The following SLC18A2 variants were observed in gnomAD, a reference collection of about 807,000 sequenced individuals.
SLC18A2 encodes solute carrier family 18 member A2.
SLC18A2 carries 33 observed loss-of-function variants against 59.2 expected under a neutral mutation model. The observed-to-expected ratio is 0.56, with a 90% confidence interval of 0.42 to 0.75. SLC18A2 has a LOEUF of 0.75. Among genes scored for constraint, SLC18A2 ranks in the 30% least tolerant of loss-of-function variants. The probability of loss-of-function intolerance (pLI) is 0.00; values close to 1 mark genes in which losing one functional copy is unlikely to be tolerated. For synonymous variants in SLC18A2, 228 were observed against 253.5 expected (o/e 0.90, Z 0.95); for missense variants, 569 against 668.6 (o/e 0.85, Z 1.64).
rs1217905487 is a variant in SLC18A2, at chr10:117,243,952, A to G, written c.122-19A>G. 1 of 1,597,906 alleles carries G rather than the reference A, an allele frequency of 6.3e-7. No homozygotes were observed. The highest frequency in any genetic ancestry group is 1.7e-5 in the Admixed American group (1 of 59,088). ...GTTTCAGTGTGATCACCACCTTGCC[A>G]TTCTGCTCTTATCCCCAGTCCCCAT... is the stretch of plus-strand genomic sequence containing the variant. On this transcript the variant is annotated intron_variant, in intron 2 of 15. Coordinates refer to ENST00000644641, the MANE Select transcript of SLC18A2 (RefSeq NM_003054.6).
chr10:117,257,965 C>T (rs1223469824), intron 10 of SLC18A2, 73 bp downstream of exon 10: 1 of 1,032,824 alleles, frequency 9.7e-7, no homozygotes, highest in African/African-American at 1.6e-5. Context: ...CAGGGCATCC[C>T]TGCTGAGTTG....
At position 117,278,376 on chromosome 10, in the gene SLC18A2, C is replaced by T. The variant is rs1230627523; in HGVS notation, c.*1110C>T. On this transcript the variant is annotated 3_prime_UTR_variant, in exon 16 of 16. Coordinates refer to ENST00000644641, the MANE Select transcript of SLC18A2 (RefSeq NM_003054.6). The stretch of plus-strand genomic sequence containing the variant: ...ATTAAGAAGTAAAAATAATAGTGAT[C>T]AGGCAGAAAAGAAAAATGGAACATC... The T allele has an allele frequency of 1.3e-5, 2 of 152,176 alleles. No individual in the cohort carries two copies. Among genetic ancestry groups the T allele is most frequent in the African/African-American group, 2.4e-5 (1 of 41,438 alleles). The allele number at this position is 152,176 out of a possible 1,614,324, so 9.4% of individuals were successfully genotyped here.
chr10:117,261,947 G>A (rs1844298189), intron 10 of SLC18A2, among the ~76,000 whole-genome samples: 1 of 152,008 alleles, frequency 6.6e-6, no homozygotes, highest in Admixed American at 6.6e-5. Flanking sequence ...TCAGTCTGTT[G>A]CCCAGGCTGG....
At chr10:117,243,908 G>T in intron 2 of SLC18A2, 63 bp from the exon 3 acceptor site, 8 of 1,381,316 alleles carry the variant, frequency 5.8e-6, no homozygotes, top group Admixed American at 4.5e-5. Context: ...GTTTTTTGCT[G>T]GCTTTTTTCC....
intron 15 of SLC18A2, among the ~76,000 whole-genome samples, chr10:117,275,407 A>G (rs192010735): frequency 3.3e-5 from 5 of 152,368 alleles, no homozygotes; most frequent in African/African-American, 9.6e-5. Context: ...GATGGGTTAC[A>G]ATAGGCCAAC....
intron 6 of SLC18A2, among the ~76,000 whole-genome samples, chr10:117,254,745 G>C (rs1029158582): frequency 6.6e-6 from 1 of 152,196 alleles, no homozygotes; most frequent in Non-Finnish European, 1.5e-5. Context: ...GAAAACCAAA[G>C]GTTGAACAGG....
At position 117,255,332 on chromosome 10, in the gene SLC18A2, C is replaced by G; in HGVS notation, c.756C>G (p.Phe252Leu). Residue 252 changes from phenylalanine to leucine, a missense_variant, in exon 7 of 16, where the codon TTC becomes TTG. Phe to Leu is a conservative substitution (Grantham distance 22). Around this residue, in one of 2 missense-constraint regions of SLC18A2, gnomAD observed 377 missense variants for 389.8 expected, o/e 0.97. Transcript: ENST00000644641. ...AGTTTGTGGGGAAGACGGCTCCGTT[C>G]CTGGTGCTGGCCGCCCTGGTACTCT... is the stretch of plus-strand genomic sequence containing the variant. ...LYEFVGKTAP[F>L]LVLAALVLLD... is the part of the protein sequence containing the mutation. 6.2e-7 allele frequency: 1 copy of G among 1,614,254 alleles called. No individual in the cohort carries two copies. The highest frequency in any genetic ancestry group is 8.5e-7 in the Non-Finnish European group (1 of 1,180,046).
intron 3 of SLC18A2, 54 bp from the exon 4 acceptor site, chr10:117,253,345 C>G: frequency 7.6e-7 from 1 of 1,321,570 alleles, no homozygotes. Context: ...CAATATAAAG[C>G]CTTAAAAAAA....
At position 117,255,539 on chromosome 10, in the gene SLC18A2, G is replaced by A. The variant is rs748363165; in HGVS notation, c.834+17G>A. On this transcript the variant is annotated intron_variant, in intron 8 of 15. Transcript: ENST00000644641. ...CAGCCAGAGGTAAGCGGCTGGGAAT[G>A]AGGGCCCTGGGGGAGGGGGCATGGT... 4 of 1,614,138 alleles carry A rather than the reference G, an allele frequency of 2.5e-6. No homozygotes were observed. In the South Asian group the frequency reaches 4.4e-5, roughly 18 times the overall value.
At chr10:117,270,287 A>C (rs763804863) in intron 14 of SLC18A2, 43 bp from the exon 15 acceptor site, 1 of 1,613,828 alleles carries the variant, frequency 6.2e-7, no homozygotes, top group Admixed American at 1.7e-5. Context: ...TCAGTCTACA[A>C]GACATTTGGA....
At chr10:117,241,876 T>C in intron 2 of SLC18A2, 62 bp downstream of exon 2, 1 of 1,482,886 alleles carries the variant, frequency 6.7e-7, no homozygotes, top group African/African-American at 1.4e-5. Flanking sequence ...TCCCCGGCAC[T>C]CCACTTACCC....
rs201959046 is a variant in SLC18A2 at position 117,244,305 on chromosome 10, G to C, written c.456G>C (p.Leu152=). 8.7e-6 allele frequency: 14 copies of C among 1,613,330 alleles called. No homozygotes were observed. In the East Asian group the frequency reaches 3.1e-4, roughly 36 times the overall value. The stretch of plus-strand genomic sequence containing the variant: ...TCACCAACCCTTTCATAGGACTACT[G>C]ACCAACAGGTAGGGCAGACTACTTT... ...QLITNPFIGL[L]TNRIGYPIPI... The change falls in exon 3 of 16, where the codon CTG becomes CTC. Residue 152 remains leucine, a synonymous_variant. Transcript: ENST00000644641.
At position 117,244,302 on chromosome 10, in the gene SLC18A2, A is replaced by T; in HGVS notation, c.453A>T (p.Leu151=). ...VQLITNPFIG[L]LTNRIGYPIP... ...TCATCACCAACCCTTTCATAGGACT[A>T]CTGACCAACAGGTAGGGCAGACTAC... Residue 151 remains leucine (L), a synonymous_variant, in exon 3 of 16, where the codon CTA becomes CTT. Coordinates refer to ENST00000644641, the MANE Select transcript of SLC18A2 (RefSeq NM_003054.6). 6.2e-7 allele frequency: 1 copy of T among 1,613,634 alleles called. No homozygotes were observed. The highest frequency in any genetic ancestry group is 8.5e-7 in the Non-Finnish European group (1 of 1,179,676).
intron 10 of SLC18A2, among the ~76,000 whole-genome samples, chr10:117,264,104 C>T (rs139096670): frequency 7.9e-4 from 120 of 152,356 alleles, no homozygotes; most frequent in African/African-American, 2.7e-3. Flanking sequence ...TCGTGATGAC[C>T]GGAGCCCCTC....
chr10:117,261,554 C>T (rs1437627322), intron 10 of SLC18A2, among the ~76,000 whole-genome samples: 1 of 152,204 alleles, frequency 6.6e-6, no homozygotes, highest in African/African-American at 2.4e-5. Flanking sequence ...ATGTCCCCAA[C>T]CCTTCTTCAG....
Position 117,257,671 on chromosome 10 carries a change from G to A in SLC18A2, c.896-126G>A, listed in dbSNP as rs993230049. 39 of 503,480 alleles carry A rather than the reference G, an allele frequency of 7.7e-5. 1 individual carries two copies. Among genetic ancestry groups the A allele is most frequent in the African/African-American group, 5.2e-4 (27 of 51,770 alleles). 31.2% of individuals were successfully genotyped at this position (503,480 alleles called of 1,614,324 possible). A position where few individuals can be genotyped will look rare whatever the true frequency, so the allele number is the denominator to read the frequency against. ...AGCCTTTGCTGTCCCCTTGATATGC[G>A]ATTTATCCTTTACTTAATGAAAGTA... is the stretch of plus-strand genomic sequence containing the variant. On this transcript the variant is annotated intron_variant, in intron 9 of 15. Coordinates refer to ENST00000644641, the MANE Select transcript of SLC18A2 (RefSeq NM_003054.6).
chr10:117,245,510 G>A (rs1472708211), intron 3 of SLC18A2, among the ~76,000 whole-genome samples: 1 of 152,056 alleles, frequency 6.6e-6, no homozygotes, highest in Non-Finnish European at 1.5e-5. Flanking sequence ...CAGGGTAGGT[G>A]GGCAGGGAGC....
intron 10 of SLC18A2, among the ~76,000 whole-genome samples, chr10:117,260,538 A>C (rs12251984): frequency 0.028 from 4,336 of 152,306 alleles, 200 homozygotes; most frequent in African/African-American, 0.1. Context: ...ATTTTCTTCT[A>C]TTCCTTTGCT....
intron 3 of SLC18A2, among the ~76,000 whole-genome samples, chr10:117,250,711 G>A (rs868529712): frequency 6.6e-6 from 1 of 152,138 alleles, no homozygotes; most frequent in African/African-American, 2.4e-5. Flanking sequence ...TCACCTCCCC[G>A]AGCCTCAGTG....
Sources: allele counts gnomAD v4.1 joint callset (sites outside exome capture counted in the v4.1 genomes callset), GRCh38; gene constraint gnomAD v4.1.1; regional missense constraint gnomAD v4.1.1; transcripts MANE v1.5; gene names NCBI Gene and HGNC (gene_info 2026-07-23, HGNC 2026-07-21).